The following IL31RA variants were observed in gnomAD, a reference collection of about 807,000 sequenced individuals.
IL31RA encodes the protein interleukin 31 receptor A.
In IL31RA, 66 loss-of-function variants were observed where a neutral mutation model predicts 83.7. The observed-to-expected ratio is 0.79, with a 90% CI of 0.65 to 0.97. The LOEUF is 0.97. IL31RA is among the 50% of genes least tolerant of loss of function. The pLI is 0.00. For synonymous variants in IL31RA, 325 were observed against 329.0 expected, an observed-to-expected ratio of 0.99 and a Z score of 0.13; for missense variants, 798 against 919.4, an observed-to-expected ratio of 0.87 and a Z score of 1.71.
rs1315245899 is a variant in IL31RA at position 55,914,865 on chromosome 5, T to C, written c.1755T>C (p.Cys585=). ...LKKPNKLTHL[C]WPTVPNPAES... Reference sequence around the variant, plus strand: ...TCATTAGCAAATTGACTCATCTGTGTTGGCCCACCGTTCCCAACCCTGCTG... The same window carrying C: ...TCATTAGCAAATTGACTCATCTGTGCTGGCCCACCGTTCCCAACCCTGCTG... Residue 585 remains cysteine, a synonymous_variant, in exon 14 of 15, where the codon TGT becomes TGC. Coordinates refer to ENST00000652347, the MANE Select transcript of IL31RA (RefSeq NM_139017.7). 4 of 1,613,270 alleles carry C rather than the reference T, an allele frequency of 2.5e-6. No homozygotes were observed. In the Admixed American group the frequency reaches 6.7e-5, roughly 27 times the overall value.
At chr5:55,900,201 C>A in intron 8 of IL31RA, 69 bp downstream of exon 8, 1 of 1,093,804 alleles carries the variant, frequency 9.1e-7, no homozygotes, top group Non-Finnish European at 1.4e-6. Context: ...AGTCCCTGTG[C>A]TCTCAAGGGT....
chr5:55,907,720 A>G (rs1016936386), intron 10 of IL31RA, among the ~76,000 whole-genome samples: 9 of 152,246 alleles, frequency 5.9e-5, no homozygotes, highest in Non-Finnish European at 1.2e-4. Context: ...CAAAGTCACA[A>G]ATAAACAGTG....
At chr5:55,898,047 CCGCA>C (rs1748537073) in intron 7 of IL31RA, among the ~76,000 whole-genome samples, 1 of 152,224 alleles carries the variant, frequency 6.6e-6, no homozygotes, top group Non-Finnish European at 1.5e-5. Flanking sequence ...GGTGCTGCCG[CCGCA>C]TGGGACAACA....
intron 4 of IL31RA, among the ~76,000 whole-genome samples, chr5:55,879,277 A>T (rs1199998012): frequency 6.6e-6 from 1 of 151,922 alleles, no homozygotes; most frequent in African/African-American, 2.4e-5. Flanking sequence ...TTTCAGGGAG[A>T]GGGTGGGGCA....
chr5:55,922,346 G>A lies in IL31RA; in HGVS notation c.*5226G>A, dbSNP rs142600635. On this transcript the variant is annotated 3_prime_UTR_variant, in exon 15 of 15. Transcript: ENST00000652347. The stretch of plus-strand genomic sequence containing the variant: ...AAAACCTGCTGTCAGCAATGCTCTC[G>A]TGGCTGTTCAAGGGAAGTGAGATAC... 2.3e-5 allele frequency: 35 copies of A among 1,497,310 alleles called. No individual in the cohort carries two copies. The highest frequency in any genetic ancestry group is 1.3e-4 in the South Asian group (11 of 82,970). The allele number at this position is 1,497,310 out of a possible 1,614,324, so 92.8% of individuals were successfully genotyped here.
At chr5:55,849,219 T>C (rs1465961615), upstream of IL31RA, among the ~76,000 whole-genome samples, 16 of 151,970 alleles carry the variant, frequency 1.1e-4, no homozygotes, top group African/African-American at 1.9e-4. Context: ...CTTTTAGCTT[T>C]TTTTTTTTCT....
chr5:55,870,319 C>T (rs768118698), intron 3 of IL31RA, among the ~76,000 whole-genome samples: 4 of 152,200 alleles, frequency 2.6e-5, no homozygotes, highest in Non-Finnish European at 5.9e-5. Context: ...CTTAAGCCTA[C>T]AGGCTGTGCA....
intron 2 of IL31RA, among the ~76,000 whole-genome samples, chr5:55,860,929 C>A (rs1050229889): frequency 1.3e-5 from 2 of 152,132 alleles, no homozygotes; most frequent in African/African-American, 4.8e-5. Context: ...GGTGGCCTTC[C>A]TTTTGCTGCC....
Position 55,917,763 on chromosome 5 carries a change from A to G in IL31RA, c.*643A>G, listed in dbSNP as rs1749873146. ...ACCCCCAATTTAGACTGCATTGACTACTAAAAAATCAAGGAATGGGGAGGG... is the reference window on the plus strand; with the variant it reads ...ACCCCCAATTTAGACTGCATTGACTGCTAAAAAATCAAGGAATGGGGAGGG... On this transcript the variant is annotated 3_prime_UTR_variant, in exon 15 of 15. Transcript: ENST00000652347. Among the ~76,000 whole-genome samples, 2 of 148,514 alleles carry G rather than the reference A, an allele frequency of 1.3e-5. No homozygotes were observed. The highest frequency in any genetic ancestry group is 4.2e-4 in the South Asian group (2 of 4,802).
intron 8 of IL31RA, among the ~76,000 whole-genome samples, chr5:55,904,960 C>T (rs1749053348): frequency 6.6e-6 from 1 of 150,904 alleles, no homozygotes; most frequent in African/African-American, 2.4e-5. Context: ...CTTTGGGAGA[C>T]CGACTGAGCT....
In IL31RA at chr5:55,914,839, C is replaced by G; in HGVS notation, c.1737-8C>G. On this transcript the variant is annotated splice_region_variant and splice_polypyrimidine_tract_variant and intron_variant, in intron 13 of 14. Transcript: ENST00000652347. ...CAATTCCCATCTTAAAATCTTCTCTCTCATTAGCAAATTGACTCATCTGTG... is the reference window on the plus strand; with the variant it reads ...CAATTCCCATCTTAAAATCTTCTCTGTCATTAGCAAATTGACTCATCTGTG... 1 of 1,603,178 alleles carries G rather than the reference C, an allele frequency of 6.2e-7. No individual in the cohort carries two copies. The highest frequency in any genetic ancestry group is 8.5e-7 in the Non-Finnish European group (1 of 1,169,912).
In IL31RA at chr5:55,919,958, A is replaced by G. The variant is rs1158164446; in HGVS notation, c.*2838A>G. Among the ~76,000 whole-genome samples the G allele has an allele frequency of 6.6e-6, 1 of 152,268 alleles. No individual in the cohort carries two copies. Among genetic ancestry groups the G allele is most frequent in the Non-Finnish European group, 1.5e-5 (1 of 68,046 alleles). ...GGAAGACTTGTGTTTTAGCAAGGTT[A>G]TTAAAAATGGATAAACCAGTTTTCT... is the stretch of plus-strand genomic sequence containing the variant. On this transcript the variant is annotated 3_prime_UTR_variant, in exon 15 of 15. Transcript: ENST00000652347.
At position 55,917,685 on chromosome 5, in the gene IL31RA, C is replaced by A. The variant is rs556412235; in HGVS notation, c.*565C>A. Among the ~76,000 whole-genome samples, 1 of 152,316 alleles carries A rather than the reference C, an allele frequency of 6.6e-6. No individual in the cohort carries two copies. Among genetic ancestry groups the A allele is most frequent in the South Asian group, 2.1e-4 (1 of 4,824 alleles). ...TCCTAAGGGGTTGTCTGAGGCTCCT[C>A]ACATCCTCTTAGATCTCAAGTGCCT... On this transcript the variant is annotated 3_prime_UTR_variant, in exon 15 of 15. Coordinates refer to ENST00000652347, the MANE Select transcript of IL31RA (RefSeq NM_139017.7).
upstream of IL31RA, among the ~76,000 whole-genome samples, chr5:55,847,569 AAG>A (rs1209142218): frequency 4.6e-5 from 7 of 152,166 alleles, no homozygotes; most frequent in African/African-American, 1.7e-4. Flanking sequence ...GTGACACAGC[AAG>A]ACTCTGTCCC....
At chr5:55,853,393 C>T in intron 1 of IL31RA, 1 of 1,390,204 alleles carries the variant, frequency 7.2e-7, no homozygotes. Context: ...GGCTTAAAAG[C>T]ACAAGAAAAG....
intron 11 of IL31RA, among the ~76,000 whole-genome samples, chr5:55,910,056 TG>T (rs1222254098): frequency 1.6e-4 from 25 of 152,346 alleles, no homozygotes; most frequent in Middle Eastern, 6.8e-3. Flanking sequence ...TTTTTTCTTA[TG>T]TTTAAATTGG....
chr5:55,871,582 T>C (rs1350308644), intron 3 of IL31RA, among the ~76,000 whole-genome samples: 1 of 152,212 alleles, frequency 6.6e-6, no homozygotes, highest in Non-Finnish European at 1.5e-5. Flanking sequence ...GAAAACAATA[T>C]ATACCAATGT....
rs147324007 is a variant in IL31RA, at chr5:55,887,742, G to A, written c.607-2228G>A. 7.9e-3 allele frequency among the ~76,000 whole-genome samples: 1,196 copies of A among 152,138 alleles called. 9 individuals carry two copies. The highest frequency in any genetic ancestry group is 0.014 in the Non-Finnish European group (980 of 68,010). ...CCTCTAAAAATACAAAAAATTAGCC[G>A]GGCGTGTTGGCAGGCACCTGTAGTC... On this transcript the variant is annotated intron_variant, in intron 5 of 14. Coordinates refer to ENST00000652347, the MANE Select transcript of IL31RA (RefSeq NM_139017.7).
intron 5 of IL31RA, among the ~76,000 whole-genome samples, chr5:55,885,367 G>A (rs2112450637): frequency 1.3e-5 from 2 of 152,256 alleles, no homozygotes; most frequent in Middle Eastern, 3.4e-3. Context: ...GAAGGGTGAG[G>A]AGAGAGGAAT....
Sources: gnomAD v4.1 joint callset for allele counts (sites outside exome capture counted in the v4.1 genomes callset) on GRCh38, gnomAD v4.1.1 for gene constraint, MANE v1.5 for transcripts, NCBI Gene and HGNC (gene_info 2026-07-23, HGNC 2026-07-21) for gene names.